RUNX1: variants seen among roughly 807,000 people sequenced by gnomAD.
The protein encoded by RUNX1 is runt-related transcription factor 1.
Under a neutral mutation model 42.8 loss-of-function variants are expected in RUNX1, and 19 were observed. The observed-to-expected ratio is 0.44, with a 90% CI of 0.31 to 0.65. RUNX1 has a LOEUF of 0.65. Among genes scored for constraint, RUNX1 ranks in the 30% least tolerant of loss-of-function variants. RUNX1 has a pLI of 0.07. For missense variants in RUNX1, 528 were observed against 672.0 expected (o/e 0.79, Z 2.37); for synonymous variants, 271 against 289.4 (o/e 0.94, Z 0.64).
At chr21:34,889,872 G>T in intron 3 of RUNX1, 1 of 1,078,334 alleles carries the variant, frequency 9.3e-7, no homozygotes, top group Non-Finnish European at 1.1e-6. Context: ...GCCGGGCCCT[G>T]CACCTCCCGG....
rs373848076 is a variant in RUNX1, at chr21:34,932,170, G to A, written c.59-39207C>T. 9.9e-5 allele frequency among the ~76,000 whole-genome samples: 15 copies of A among 152,076 alleles called. No individual in the cohort carries two copies. The East Asian group carries it at 2.7e-3, about 27-fold the overall frequency. ...AATGAAGGTAATTAATTTATAGAGAGTTGTATTCTTTTTATCTGTTTTCAT... is the reference window on the plus strand; with the variant it reads ...AATGAAGGTAATTAATTTATAGAGAATTGTATTCTTTTTATCTGTTTTCAT... On this transcript the variant is annotated intron_variant, in intron 2 of 8. Coordinates refer to ENST00000675419, the MANE Select transcript of RUNX1 (RefSeq NM_001754.5).
chr21:34,861,772 G>A (rs941096514), intron 5 of RUNX1, among the ~76,000 whole-genome samples: 3 of 152,174 alleles, frequency 2.0e-5, no homozygotes, highest in Non-Finnish European at 4.4e-5. Context: ...CTGGCAACGG[G>A]CAGTCACTCA....
intron 6 of RUNX1, among the ~76,000 whole-genome samples, chr21:34,837,213 G>GAAA (rs2057159758): frequency 6.6e-6 from 1 of 152,150 alleles, no homozygotes; most frequent in African/African-American, 2.4e-5. Flanking sequence ...AGCCCTGGGA[G>GAAA]TCTCAGGGCT....
intron 2 of RUNX1, among the ~76,000 whole-genome samples, chr21:35,032,127 A>G (rs368764621): frequency 6.6e-6 from 1 of 152,210 alleles, no homozygotes; most frequent in Non-Finnish European, 1.5e-5. Context: ...GACACATGCC[A>G]CAAGCCTTGA....
rs544793063 is a variant in RUNX1, at chr21:34,790,515, C to T, written c.*1620G>A. 2.8e-4 allele frequency: 65 copies of T among 233,606 alleles called. No individual in the cohort carries two copies. The highest frequency in any genetic ancestry group is 1.4e-3 in the African/African-American group (62 of 45,436). 14.5% of individuals were successfully genotyped at this position (233,606 alleles called of 1,614,324 possible). A position where few individuals can be genotyped will look rare whatever the true frequency, so the allele number is the denominator to read the frequency against. ...ACAACTGCATTCTGACCAAATCCTC[C>T]AATAAAAATAGTGCCATAAAATTTA... On this transcript the variant is annotated 3_prime_UTR_variant, in exon 9 of 9. Transcript: ENST00000675419.
chr21:34,826,665 G>A (rs925950012), intron 7 of RUNX1, among the ~76,000 whole-genome samples: 4 of 151,394 alleles, frequency 2.6e-5, no homozygotes, highest in South Asian at 2.1e-4. Context: ...GCCTGCTCTC[G>A]AACTCCCGAC....
At chr21:34,967,384 CTGGACTGA>C (rs2058728963) in intron 2 of RUNX1, among the ~76,000 whole-genome samples, 1 of 130,944 alleles carries the variant, frequency 7.6e-6, no homozygotes, top group African/African-American at 2.8e-5. Flanking sequence ...GAGCTTTCGT[CTGGACTGA>C]TGGAATCATG....
chr21:34,883,036 GCCT>G lies in RUNX1; in HGVS notation c.352-2326_352-2324del, dbSNP rs2057929019. 4.6e-5 allele frequency among the ~76,000 whole-genome samples: 7 copies of G among 152,270 alleles called. No homozygotes were observed. In the South Asian group the frequency reaches 1.4e-3, roughly 32 times the overall value. On this transcript the variant is annotated intron_variant, in intron 4 of 8. Transcript: ENST00000675419. ...TACAGGAATGTATTCTGAATTATCT[GCCT>G]CCTACTGCTGTTCCCCTCACAGTGC...
At chr21:35,020,320 T>C (rs2059189252) in intron 2 of RUNX1, among the ~76,000 whole-genome samples, 1 of 152,080 alleles carries the variant, frequency 6.6e-6, no homozygotes, top group South Asian at 2.1e-4. Context: ...GGAGCAGAGA[T>C]GAATCCTGGG....
Position 34,843,984 on chromosome 21 carries a change from A to G in RUNX1, c.614-9383T>C, listed in dbSNP as rs2268281. ...GGGAAGTGGAGGCAGTTTCTTAAGA[A>G]GGGTGCAGACAGCTCCCAAATTCAA... On this transcript the variant is annotated intron_variant, in intron 6 of 8. Transcript: ENST00000675419. This position sits in a 1 kb window ranked among gnomAD's most constrained non-coding sequence, Gnocchi z 4.8. 0.21 allele frequency among the ~76,000 whole-genome samples: 31,365 copies of G among 152,056 alleles called. 3,691 individuals are homozygous for G. The highest frequency in any genetic ancestry group is 0.48 in the East Asian group (2,457 of 5,160).
At chr21:34,837,530 GC>G (rs1309600027) in intron 6 of RUNX1, among the ~76,000 whole-genome samples, 5 of 152,216 alleles carry the variant, frequency 3.3e-5, no homozygotes, top group African/African-American at 4.8e-5. Context: ...AAACTTTCAA[GC>G]TGGGGAAAAT....
intron 2 of RUNX1, among the ~76,000 whole-genome samples, chr21:34,993,670 CACACACACAG>C (rs1379483894): frequency 4.0e-4 from 57 of 141,364 alleles, no homozygotes; most frequent in African/African-American, 1.7e-3. Flanking sequence ...CACACAGAGA[CACACACACAG>C]ACACACACAC....
chr21:34,908,203 G>A (rs2058240591), intron 2 of RUNX1, among the ~76,000 whole-genome samples: 1 of 152,176 alleles, frequency 6.6e-6, no homozygotes, highest in South Asian at 2.1e-4. Context: ...TTCGAACAGA[G>A]TAATGATACA....
At chr21:34,821,157 G>A (rs949618643) in intron 7 of RUNX1, 6 of 943,198 alleles carry the variant, frequency 6.4e-6, no homozygotes, top group Non-Finnish European at 5.1e-6. Context: ...TGGGGCTCCC[G>A]AGGAATAAGG....
At position 34,925,367 on chromosome 21, in the gene RUNX1, G is replaced by A. The variant is rs563453561; in HGVS notation, c.59-32404C>T. 3.9e-5 allele frequency among the ~76,000 whole-genome samples: 6 copies of A among 152,178 alleles called. No homozygotes were observed. In the South Asian group the frequency reaches 1.2e-3, roughly 32 times the overall value. ...GTGAATGTGACCATTTTTGAAATAG[G>A]GTCTTTGCAATTATAATCAAGTTAA... On this transcript the variant is annotated intron_variant, in intron 2 of 8. Transcript: ENST00000675419.
intron 2 of RUNX1, among the ~76,000 whole-genome samples, chr21:35,011,762 A>G (rs896471137): frequency 7.2e-5 from 11 of 152,204 alleles, no homozygotes; most frequent in African/African-American, 2.4e-4. Flanking sequence ...ATTTTGTTTT[A>G]AAGTATAGTA....
intron 3 of RUNX1, chr21:34,887,834 A>T: frequency 1.9e-6 from 2 of 1,064,830 alleles, no homozygotes; most frequent in Non-Finnish European, 2.3e-6. Context: ...CAGTAGTTGG[A>T]GCAGTGCTGA....
At chr21:34,866,138 T>C (rs1053733610) in intron 5 of RUNX1, among the ~76,000 whole-genome samples, 4 of 152,154 alleles carry the variant, frequency 2.6e-5, no homozygotes, top group Non-Finnish European at 5.9e-5. Flanking sequence ...GATGTGAAAC[T>C]TGCCCTTTGT....
Position 34,989,109 on chromosome 21 carries a change from AGCGATTCTCCT to A in RUNX1, c.58+59722_58+59732del, listed in dbSNP as rs534395958. Among the ~76,000 whole-genome samples the A allele has an allele frequency of 7.2e-5, 11 of 151,788 alleles. No individual in the cohort carries two copies. In the South Asian group the frequency reaches 2.3e-3, roughly 32 times the overall value. On this transcript the variant is annotated intron_variant, in intron 2 of 8. Coordinates refer to ENST00000675419, the MANE Select transcript of RUNX1 (RefSeq NM_001754.5). ...CTGCAACCTTCACCTTCCACGTTCA[AGCGATTCTCCT>A]GCCTCAATCTCCTGAGTAGCTGAGA...
Sources: gnomAD v4.1 joint callset for allele counts (sites outside exome capture counted in the v4.1 genomes callset) on GRCh38, gnomAD v4.1.1 for gene constraint, Gnocchi (gnomAD v3.1) non-coding constraint, MANE v1.5 for transcripts, NCBI Gene and HGNC (gene_info 2026-07-23, HGNC 2026-07-21) for gene names.